The following PRDM16 variants were observed in gnomAD, a reference collection of about 807,000 sequenced individuals.
The protein encoded by PRDM16 is histone-lysine N-methyltransferase PRDM16.
PRDM16 carries 23 observed loss-of-function variants against 110.6 expected under a neutral mutation model. The observed-to-expected ratio is 0.21, with a 90% CI of 0.15 to 0.29. PRDM16 has a LOEUF of 0.29. PRDM16 is among the 10% of genes least tolerant of loss of function. PRDM16 has a pLI of 1.00. For missense variants in PRDM16, 1,615 were observed against 1,794.3 expected (o/e 0.90, Z 1.81); for synonymous variants, 799 against 781.8 (o/e 1.02, Z -0.37).
chr1:3,243,589 C>T lies in PRDM16; in HGVS notation c.388-498C>T, dbSNP rs920335232. Among the ~76,000 whole-genome samples the T allele has an allele frequency of 6.6e-6, 1 of 152,220 alleles. No individual in the cohort carries two copies. Among genetic ancestry groups the T allele is most frequent in the Non-Finnish European group, 1.5e-5 (1 of 68,044 alleles). On this transcript the variant is annotated intron_variant, in intron 2 of 16. Coordinates refer to ENST00000270722, the MANE Select transcript of PRDM16 (RefSeq NM_022114.4). This position sits in a 1 kb window ranked among gnomAD's most constrained non-coding sequence, Gnocchi z 5.5. ...CCCCCGGAGGGCAGGGACTGCACCT[C>T]GCTGTCTCTCACCTGTCCAGGACCA...
intron 1 of PRDM16, among the ~76,000 whole-genome samples, chr1:3,154,442 T>A (rs1466202477): frequency 6.6e-6 from 1 of 152,124 alleles, no homozygotes; most frequent in East Asian, 1.9e-4. Flanking sequence ...GTGGAGGCGT[T>A]GTCAGGACGG....
At chr1:3,153,437 C>T (rs902411151) in intron 1 of PRDM16, among the ~76,000 whole-genome samples, 6 of 152,202 alleles carry the variant, frequency 3.9e-5, no homozygotes, top group African/African-American at 9.7e-5. Flanking sequence ...CTAGACAGGA[C>T]GGGCGGGCGG....
At position 3,397,974 on chromosome 1, in the gene PRDM16, C is replaced by T. The variant is rs553196540; in HGVS notation, c.676+1381C>T. 1.6e-4 allele frequency among the ~76,000 whole-genome samples: 25 copies of T among 152,296 alleles called. No individual in the cohort carries two copies. In the South Asian group the frequency reaches 2.7e-3, roughly 16 times the overall value. ...AAATGACCACAGAAGGATAGTTTAA[C>T]AAGCTGGAGCCTATCTGCAGCTTCC... On this transcript the variant is annotated intron_variant, in intron 5 of 16. Transcript: ENST00000270722.
chr1:3,267,592 A>G (rs1182861807), intron 3 of PRDM16, among the ~76,000 whole-genome samples: 1 of 152,214 alleles, frequency 6.6e-6, no homozygotes, highest in Admixed American at 6.5e-5. Flanking sequence ...CACAGTGGCT[A>G]TACCATTTCA....
At chr1:3,305,604 T>C (rs1641295388) in intron 3 of PRDM16, among the ~76,000 whole-genome samples, 1 of 151,376 alleles carries the variant, frequency 6.6e-6, no homozygotes, top group Non-Finnish European at 1.5e-5. Context: ...ATAAAATCCT[T>C]CGTGGAGTCA....
At chr1:3,105,894 G>T (rs1642640757) in intron 1 of PRDM16, among the ~76,000 whole-genome samples, 1 of 150,340 alleles carries the variant, frequency 6.7e-6, no homozygotes, top group Non-Finnish European at 1.5e-5. Context: ...GAGTCTTCAG[G>T]GAGGAGCAGC....
At position 3,162,648 on chromosome 1, in the gene PRDM16, C is replaced by T. The variant is rs12566208; in HGVS notation, c.38-23477C>T. 1.5e-4 allele frequency among the ~76,000 whole-genome samples: 23 copies of T among 152,366 alleles called. No homozygotes were observed. In the East Asian group the frequency reaches 2.1e-3, roughly 14 times the overall value. On this transcript the variant is annotated intron_variant, in intron 1 of 16. Transcript: ENST00000270722. ...GATTGACAGCGGCGAGCCCGTGCGC[C>T]GATGGAGGCGAATCAGGGAGCAGAT... is the stretch of plus-strand genomic sequence containing the variant.
intron 1 of PRDM16, among the ~76,000 whole-genome samples, chr1:3,152,389 CATCCATCCATCCATTT>C (rs56875452): frequency 0.12 from 18,269 of 151,260 alleles, 2,109 homozygotes; most frequent in African/African-American, 0.3. Flanking sequence ...TCCATTTATC[CATCCATCCATCCATTT>C]ATCCATCCAT....
chr1:3,402,733 G>A, intron 5 of PRDM16, 58 bp from the exon 6 acceptor site: 1 of 1,508,632 alleles, frequency 6.6e-7, no homozygotes, highest in Non-Finnish European at 9.1e-7. Flanking sequence ...AGAGTCCCCT[G>A]ATAGCCCTGG....
chr1:3,402,494 C>T (rs1643488858), intron 5 of PRDM16, among the ~76,000 whole-genome samples: 1 of 152,266 alleles, frequency 6.6e-6, no homozygotes, highest in Non-Finnish European at 1.5e-5. Flanking sequence ...TTCTCCAGCC[C>T]ACAGTGGCTG....
chr1:3,163,916 C>T (rs1042754056), intron 1 of PRDM16, among the ~76,000 whole-genome samples: 4 of 152,354 alleles, frequency 2.6e-5, no homozygotes, highest in African/African-American at 2.4e-5. Flanking sequence ...CTGCAACCTA[C>T]GAATATGGAT....
chr1:3,433,829 G>T lies in PRDM16; in HGVS notation c.*18G>T. ...ACCTCTGACGGGCTGGGCAGCCGGG[G>T]GCCGGTGGCCAGAGCGAGGGCACCA... is the stretch of plus-strand genomic sequence containing the variant. On this transcript the variant is annotated 3_prime_UTR_variant, in exon 17 of 17. Transcript: ENST00000270722. 6.2e-7 allele frequency: 1 copy of T among 1,611,442 alleles called. No homozygotes were observed. The highest frequency in any genetic ancestry group is 8.5e-7 in the Non-Finnish European group (1 of 1,179,574).
chr1:3,407,689 A>G (rs1486253004), intron 8 of PRDM16, among the ~76,000 whole-genome samples: 1 of 152,158 alleles, frequency 6.6e-6, no homozygotes, highest in East Asian at 1.9e-4. Context: ...CGAGCGTTCT[A>G]AAGTCCCGTT....
intron 3 of PRDM16, among the ~76,000 whole-genome samples, chr1:3,259,151 C>A (rs1157796171): frequency 1.3e-5 from 2 of 152,206 alleles, no homozygotes; most frequent in African/African-American, 4.8e-5. Flanking sequence ...TCCGTCCCGG[C>A]CCTTCTGCCC....
At chr1:3,231,816 C>T (rs577991143) in intron 2 of PRDM16, among the ~76,000 whole-genome samples, 1 of 152,338 alleles carries the variant, frequency 6.6e-6, no homozygotes, top group Admixed American at 6.5e-5. Context: ...CAGCCTTTCA[C>T]CTGCCAGGCC....
At chr1:3,182,730 C>T (rs148710601) in intron 1 of PRDM16, among the ~76,000 whole-genome samples, 10 of 152,276 alleles carry the variant, frequency 6.6e-5, no homozygotes, top group South Asian at 2.1e-4. Context: ...CTGTATTATG[C>T]GATCAAATGA....
At chr1:3,423,790 C>A (rs997022454) in intron 12 of PRDM16, among the ~76,000 whole-genome samples, 3 of 152,320 alleles carry the variant, frequency 2.0e-5, no homozygotes, top group South Asian at 2.1e-4. Flanking sequence ...GCTACCAGGC[C>A]CCCCCGGCCA....
At chr1:3,074,102 C>T (rs1445205269) in intron 1 of PRDM16, among the ~76,000 whole-genome samples, 1 of 152,186 alleles carries the variant, frequency 6.6e-6, no homozygotes, top group Non-Finnish European at 1.5e-5. Flanking sequence ...GACCCGCCTG[C>T]CCAGTCTGAT....
rs567606864 is a variant in PRDM16 at position 3,279,130 on chromosome 1, G to A, written c.438+34993G>A. Among the ~76,000 whole-genome samples, 21 of 152,196 alleles carry A rather than the reference G, an allele frequency of 1.4e-4. 1 individual carries two copies. In the South Asian group the frequency reaches 4.4e-3, roughly 32 times the overall value. On this transcript the variant is annotated intron_variant, in intron 3 of 16. Transcript: ENST00000270722. ...ACCAATAGCCACGTGGGCAGCTGTG[G>A]CCCCGAGTCCGGGGATGCAGTTGGT...
Sources: allele counts gnomAD v4.1 joint callset (sites outside exome capture counted in the v4.1 genomes callset), GRCh38; gene constraint gnomAD v4.1.1; non-coding constraint Gnocchi (gnomAD v3.1); transcripts MANE v1.5; gene names NCBI Gene and HGNC (gene_info 2026-07-23, HGNC 2026-07-21).